Variants in USH2A observed in about 807,000 individuals in gnomAD.
USH2A encodes Usher syndrome 2A (autosomal recessive, mild).
A neutral mutation model predicts 538.9 loss-of-function variants in USH2A; 443 were observed. That is an observed-to-expected ratio of 0.82 (90% CI 0.76 to 0.89). The LOEUF is 0.89. USH2A is among the 40% of genes least tolerant of loss of function. The pLI is 0.00. For synonymous variants in USH2A, 2,413 were observed against 2,273.5 expected (o/e 1.06, Z -1.75); for missense variants, 6,633 against 6,324.8 (o/e 1.05, Z -1.65).
At chr1:216,215,159 A>G (rs2035319502) in intron 15 of USH2A, among the ~76,000 whole-genome samples, 1 of 152,138 alleles carries the variant, frequency 6.6e-6, no homozygotes, top group African/African-American at 2.4e-5. Context: ...CCCACCAAAA[A>G]TAAAAATCAC....
chr1:215,790,644 G>A (rs1478470551), intron 50 of USH2A, among the ~76,000 whole-genome samples: 3 of 152,182 alleles, frequency 2.0e-5, no homozygotes, highest in Non-Finnish European at 4.4e-5. Context: ...TAGGGACTCT[G>A]AGAAAGCTCT....
chr1:216,184,937 A>G (rs2034568681), intron 20 of USH2A, among the ~76,000 whole-genome samples: 1 of 152,028 alleles, frequency 6.6e-6, no homozygotes, highest in Non-Finnish European at 1.5e-5. Context: ...ATGGAGGTCA[A>G]TTTATGACAG....
intron 14 of USH2A, among the ~76,000 whole-genome samples, chr1:216,222,378 C>T (rs2035474262): frequency 6.6e-6 from 1 of 152,148 alleles, no homozygotes; most frequent in African/African-American, 2.4e-5. Context: ...GTGGCTGACC[C>T]CCAGGCTATA....
intron 46 of USH2A, among the ~76,000 whole-genome samples, chr1:215,843,474 T>G (rs1369565272): frequency 6.6e-6 from 1 of 152,174 alleles, no homozygotes; most frequent in Non-Finnish European, 1.5e-5. Context: ...CCTATACTTT[T>G]TCTACTTTTA....
intron 61 of USH2A, among the ~76,000 whole-genome samples, chr1:215,704,875 T>C (rs1659140037): frequency 6.6e-6 from 1 of 152,212 alleles, no homozygotes; most frequent in South Asian, 2.1e-4. Flanking sequence ...TATGGCATTT[T>C]TATATTAGAT....
chr1:216,013,118 G>A (rs1194637202), intron 32 of USH2A, among the ~76,000 whole-genome samples: 3 of 152,152 alleles, frequency 2.0e-5, no homozygotes, highest in Non-Finnish European at 4.4e-5. Flanking sequence ...CTAATCAGAT[G>A]TCCTGAGTCG....
intron 40 of USH2A, 108 bp downstream of exon 40, chr1:215,899,967 A>C (rs1665445679): frequency 6.5e-7 from 1 of 1,529,604 alleles, no homozygotes; most frequent in East Asian, 2.3e-5. Context: ...TTGTCACTAA[A>C]CAACAAGTAA....
In USH2A at chr1:216,230,932, C is replaced by T. The variant is rs146684704; in HGVS notation, c.2993+1021G>A. ...CACACACACACAGACACAGAATTGGCATTATAGCACATCTTCAAAAATACA... is the reference window on the plus strand; with the variant it reads ...CACACACACACAGACACAGAATTGGTATTATAGCACATCTTCAAAAATACA... On this transcript the variant is annotated intron_variant, in intron 14 of 71. Coordinates refer to ENST00000307340, the MANE Select transcript of USH2A (RefSeq NM_206933.4). Among the ~76,000 whole-genome samples, 811 of 150,976 alleles carry T rather than the reference C, an allele frequency of 5.4e-3. 5 individuals carry two copies. The highest frequency in any genetic ancestry group is 7.8e-3 in the Admixed American group (118 of 15,130).
At chr1:215,732,520 C>CTTA (rs1553256896) in intron 60 of USH2A, among the ~76,000 whole-genome samples, 1 of 137,704 alleles carries the variant, frequency 7.3e-6, no homozygotes. Context: ...TCCCAATCCT[C>CTTA]TTTCTTATTC....
At chr1:215,675,971 T>C (rs1175890188) in intron 62 of USH2A, among the ~76,000 whole-genome samples, 1 of 152,168 alleles carries the variant, frequency 6.6e-6, no homozygotes, top group Non-Finnish European at 1.5e-5. Context: ...TAAAGTCTCC[T>C]GTTTTATGGA....
chr1:215,854,320 G>C (rs1255453103), intron 44 of USH2A, among the ~76,000 whole-genome samples: 1 of 151,986 alleles, frequency 6.6e-6, no homozygotes, highest in Non-Finnish European at 1.5e-5. Flanking sequence ...TCTCCCACTG[G>C]GTCCCTCCCA....
chr1:216,086,116 A>G (rs1010741325), intron 24 of USH2A, among the ~76,000 whole-genome samples: 3 of 151,988 alleles, frequency 2.0e-5, no homozygotes, highest in African/African-American at 7.3e-5. Context: ...AATTCCATTC[A>G]TGTTCATTTT....
intron 64 of USH2A, among the ~76,000 whole-genome samples, chr1:215,661,243 A>C (rs1657426360): frequency 6.6e-6 from 1 of 152,146 alleles, no homozygotes; most frequent in African/African-American, 2.4e-5. Flanking sequence ...TGTACTCTGG[A>C]ATGCTGACTT....
rs1209187637 is a variant in USH2A at position 215,623,474 on chromosome 1, A to C, written c.*2307T>G. ...CACACCCCAGATCAACCGAATCAGA[A>C]TCTCTAGAGGCGAGTCTGCATGGTT... On this transcript the variant is annotated 3_prime_UTR_variant, in exon 72 of 72. Transcript: ENST00000307340. The C allele has an allele frequency of 6.6e-6, 1 of 151,334 alleles. No homozygotes were observed. Among genetic ancestry groups the C allele is most frequent in the Non-Finnish European group, 1.5e-5 (1 of 67,576 alleles). The allele number at this position is 151,334 out of a possible 1,614,324, so 9.4% of individuals were successfully genotyped here. A position where few individuals can be genotyped will look rare whatever the true frequency, so the allele number is the denominator to read the frequency against.
Position 215,786,668 on chromosome 1 carries a change from A to T in USH2A, c.10387+2T>A, listed in dbSNP as rs1661809362. 1.2e-6 allele frequency: 2 copies of T among 1,613,822 alleles called. No homozygotes were observed. The highest frequency in any genetic ancestry group is 8.5e-7 in the Non-Finnish European group (1 of 1,179,884). ...ATGGGCAGACAGCTTGCTTTCTGTTACCTGTGTAAGAGTACGTGTTTACAC... is the reference window on the plus strand; with the variant it reads ...ATGGGCAGACAGCTTGCTTTCTGTTTCCTGTGTAAGAGTACGTGTTTACAC... On this transcript the variant is annotated splice_donor_variant, in intron 52 of 71. Coordinates refer to ENST00000307340, the MANE Select transcript of USH2A (RefSeq NM_206933.4). LOFTEE classifies it high-confidence loss of function.
chr1:215,860,821 G>A (rs779462036), intron 44 of USH2A, among the ~76,000 whole-genome samples: 1 of 152,124 alleles, frequency 6.6e-6, no homozygotes, highest in Non-Finnish European at 1.5e-5. Flanking sequence ...CACATTAGCA[G>A]GCTCATTTTG....
intron 35 of USH2A, among the ~76,000 whole-genome samples, chr1:215,988,023 C>CTT (rs200412010): frequency 1.3e-5 from 2 of 151,616 alleles, no homozygotes; most frequent in African/African-American, 4.8e-5. Flanking sequence ...CTCTCTGTAT[C>CTT]TTTTTTTTAT....
intron 37 of USH2A, among the ~76,000 whole-genome samples, chr1:215,954,975 T>G (rs1158613867): frequency 6.6e-6 from 1 of 152,170 alleles, no homozygotes; most frequent in Non-Finnish European, 1.5e-5. Context: ...CTTTCTAGTT[T>G]CTGAGTTGGT....
intron 58 of USH2A, among the ~76,000 whole-genome samples, chr1:215,745,441 C>T (rs554104909): frequency 3.9e-5 from 6 of 152,212 alleles, no homozygotes; most frequent in Non-Finnish European, 7.4e-5. Flanking sequence ...CAATGCATCC[C>T]TGTGTTATGC....
Sources: allele counts gnomAD v4.1 joint callset (sites outside exome capture counted in the v4.1 genomes callset), GRCh38; gene constraint gnomAD v4.1.1; transcripts MANE v1.5; gene names NCBI Gene and HGNC (gene_info 2026-07-23, HGNC 2026-07-21).